The following PHF20 variants were observed in gnomAD, a reference collection of about 807,000 sequenced individuals.
PHF20 encodes PHD finger protein 20.
Under a neutral mutation model 113.5 loss-of-function variants are expected in PHF20, and 23 were observed. The ratio of observed to expected loss-of-function variants is 0.20; its 90% CI spans 0.15 to 0.29. PHF20 has a LOEUF of 0.29. Among genes scored for constraint, PHF20 ranks in the 10% least tolerant of loss-of-function variants. PHF20 has a pLI of 1.00. For missense variants in PHF20, 943 were observed against 1,219.6 expected, an observed-to-expected ratio of 0.77 and a Z score of 3.38; for synonymous variants, 434 against 457.3, an observed-to-expected ratio of 0.95 and a Z score of 0.65.
chr20:35,857,054 C>G (rs1463551441), intron 4 of PHF20, among the ~76,000 whole-genome samples: 3 of 152,032 alleles, frequency 2.0e-5, no homozygotes, highest in African/African-American at 7.3e-5. Flanking sequence ...TTTGTTGTTG[C>G]ATTCTTCGGC....
chr20:35,879,667 G>A (rs1191217697), intron 9 of PHF20, among the ~76,000 whole-genome samples: 1 of 151,426 alleles, frequency 6.6e-6, no homozygotes, highest in African/African-American at 2.4e-5. Flanking sequence ...ATTCCATGGT[G>A]GTTACATGGT....
At chr20:35,774,544 G>C (rs964615168) in intron 1 of PHF20, 4 of 152,154 alleles carry the variant, frequency 2.6e-5, no homozygotes, top group Non-Finnish European at 4.4e-5. Flanking sequence ...CTCCACAGCT[G>C]GAATTCCAAG....
intron 2 of PHF20, among the ~76,000 whole-genome samples, chr20:35,816,521 G>A (rs1334904343): frequency 6.7e-6 from 1 of 149,096 alleles, no homozygotes; most frequent in African/African-American, 2.5e-5. Context: ...GCAATCTCCG[G>A]TCACTGCAAC....
chr20:35,947,778 AAG>A lies in PHF20; in HGVS notation c.*154_*155del. On this transcript the variant is annotated 3_prime_UTR_variant, in exon 18 of 18. Coordinates refer to ENST00000374012, the MANE Select transcript of PHF20 (RefSeq NM_016436.5). ...CCAGGAGTGTGGTGGACATTGGACA[AAG>A]AGGCCATTTTGGCTGCGGGAGGACA... 1.3e-6 allele frequency: 1 copy of A among 787,644 alleles called. No individual in the cohort carries two copies. Among genetic ancestry groups the A allele is most frequent in the Admixed American group, 2.9e-5 (1 of 34,490 alleles). 48.8% of individuals were successfully genotyped at this position (787,644 alleles called of 1,614,324 possible). A position where few individuals can be genotyped will look rare whatever the true frequency, so the allele number is the denominator to read the frequency against.
intron 1 of PHF20, among the ~76,000 whole-genome samples, chr20:35,780,221 CTT>C (rs930285446): frequency 8.9e-4 from 110 of 123,268 alleles, no homozygotes; most frequent in African/African-American, 2.9e-3. Context: ...CCCCAGATTT[CTT>C]TTTTTTTTTT....
chr20:35,919,476 A>G (rs1869072474), intron 13 of PHF20, among the ~76,000 whole-genome samples: 1 of 151,256 alleles, frequency 6.6e-6, no homozygotes, highest in African/African-American at 2.4e-5. Context: ...AGTAGCTGGG[A>G]CTATAGGCGC....
At chr20:35,943,846 C>G (rs1037538461) in intron 17 of PHF20, among the ~76,000 whole-genome samples, 1 of 152,122 alleles carries the variant, frequency 6.6e-6, no homozygotes, top group African/African-American at 2.4e-5. Flanking sequence ...GTCTCGATCT[C>G]CTGACCTCAT....
chr20:35,847,468 T>C, intron 4 of PHF20, 34 bp downstream of exon 4: 1 of 1,335,874 alleles, frequency 7.5e-7, no homozygotes, highest in South Asian at 1.2e-5. Context: ...TTTTTACTCA[T>C]GACTTAGGTG....
chr20:35,884,997 A>AT (rs1253163368), intron 9 of PHF20, among the ~76,000 whole-genome samples: 1 of 151,670 alleles, frequency 6.6e-6, no homozygotes, highest in Admixed American at 6.6e-5. Context: ...CGCCTGGCTA[A>AT]TTTTTTTTGT....
chr20:35,840,977 T>A (rs1425168034), intron 2 of PHF20, among the ~76,000 whole-genome samples: 2 of 152,230 alleles, frequency 1.3e-5, no homozygotes, highest in African/African-American at 4.8e-5. Context: ...TTCTTGGGCA[T>A]CCTTCCAGAT....
At chr20:35,809,899 C>G (rs2041947796) in intron 2 of PHF20, among the ~76,000 whole-genome samples, 1 of 152,092 alleles carries the variant, frequency 6.6e-6, no homozygotes, top group Non-Finnish European at 1.5e-5. Flanking sequence ...CTGGTGAAAC[C>G]TGACTGTCAA....
intron 17 of PHF20, among the ~76,000 whole-genome samples, chr20:35,942,347 T>C (rs2055998829): frequency 6.6e-6 from 1 of 152,084 alleles, no homozygotes. Flanking sequence ...AAGGAGGATA[T>C]AATGTTAGAC....
At chr20:35,906,209 C>G (rs114847012) in intron 10 of PHF20, among the ~76,000 whole-genome samples, 3 of 152,226 alleles carry the variant, frequency 2.0e-5, no homozygotes, top group Non-Finnish European at 4.4e-5. Context: ...TCATTGCCAT[C>G]CACACCTTTT....
intron 1 of PHF20, among the ~76,000 whole-genome samples, chr20:35,782,790 G>A (rs1369656623): frequency 6.6e-6 from 1 of 152,220 alleles, no homozygotes; most frequent in East Asian, 1.9e-4. Flanking sequence ...TAACCTATAT[G>A]AGCCTGTTTC....
intron 2 of PHF20, among the ~76,000 whole-genome samples, chr20:35,813,865 A>T (rs1443044814): frequency 6.9e-6 from 1 of 145,278 alleles, no homozygotes; most frequent in Non-Finnish European, 1.5e-5. Context: ...ATTGCACTCC[A>T]GCCTGTGTGT....
At chr20:35,836,340 A>G (rs1039433678) in intron 2 of PHF20, among the ~76,000 whole-genome samples, 12 of 152,120 alleles carry the variant, frequency 7.9e-5, no homozygotes, top group African/African-American at 1.7e-4. Flanking sequence ...TTCCTCTTCT[A>G]TAACACAAAA....
chr20:35,913,973 T>C, intron 11 of PHF20, 60 bp from the exon 12 acceptor site: 1 of 1,521,470 alleles, frequency 6.6e-7, no homozygotes, highest in Non-Finnish European at 9.1e-7. Context: ...ATGAGATTGA[T>C]TCTAGAATGC....
intron 4 of PHF20, chr20:35,850,834 TC>T (rs2042718178): frequency 3.5e-6 from 4 of 1,154,230 alleles, no homozygotes; most frequent in Non-Finnish European, 5.0e-6. Context: ...GGTGTATGTT[TC>T]TGGTGGCTCT....
intron 4 of PHF20, among the ~76,000 whole-genome samples, chr20:35,857,570 T>G (rs955635903): frequency 1.5e-5 from 2 of 129,056 alleles, no homozygotes; most frequent in African/African-American, 6.8e-5. Context: ...TCCTTTTTTT[T>G]TTTTTTTTTT....
Sources: gnomAD v4.1 joint callset for allele counts (sites outside exome capture counted in the v4.1 genomes callset) on GRCh38, gnomAD v4.1.1 for gene constraint, MANE v1.5 for transcripts, NCBI Gene and HGNC (gene_info 2026-07-23, HGNC 2026-07-21) for gene names.